Variants in SV2C observed in about 807,000 individuals in gnomAD.
SV2C encodes the protein synaptic vesicle glycoprotein 2C, also known as solute carrier family 22 member B3.
Under a neutral mutation model 79.7 loss-of-function variants are expected in SV2C, and 49 were observed. That is an observed-to-expected ratio of 0.61 (90% CI 0.49 to 0.78). The LOEUF (loss-of-function observed/expected upper bound fraction) is 0.78, where lower values mean the gene tolerates loss of function less well. SV2C is among the 30% of genes least tolerant of loss of function. SV2C has a pLI of 0.00. For missense variants in SV2C, 833 were observed against 912.9 expected (o/e 0.91, Z 1.13); for synonymous variants, 334 against 333.2 (o/e 1.00, Z -0.03).
chr5:76,339,330 A>G (rs1169619742), intron 12 of SV2C, among the ~76,000 whole-genome samples: 1 of 152,196 alleles, frequency 6.6e-6, no homozygotes, highest in Non-Finnish European at 1.5e-5. Context: ...TCATTTTCAT[A>G]TGGCAACAGT....
At chr5:76,271,145 A>G (rs1327082845) in intron 4 of SV2C, among the ~76,000 whole-genome samples, 2 of 152,224 alleles carry the variant, frequency 1.3e-5, no homozygotes, top group Non-Finnish European at 2.9e-5. Flanking sequence ...AATAAAAATT[A>G]AACGATTCCA....
chr5:76,239,405 C>T (rs1038586549), intron 4 of SV2C, among the ~76,000 whole-genome samples: 1 of 152,122 alleles, frequency 6.6e-6, no homozygotes, highest in Non-Finnish European at 1.5e-5. Flanking sequence ...TCCAAAACTC[C>T]GTGGCTTAAA....
At chr5:76,194,843 T>A (rs1407126067) in intron 2 of SV2C, 76 bp from the exon 3 acceptor site, 1 of 1,533,420 alleles carries the variant, frequency 6.5e-7, no homozygotes, top group African/African-American at 1.4e-5. Flanking sequence ...TGTATTTTGT[T>A]CCTTGTTCAC....
chr5:76,336,150 T>A (rs1749320411), downstream of SV2C, among the ~76,000 whole-genome samples: 1 of 145,660 alleles, frequency 6.9e-6, no homozygotes, highest in Non-Finnish European at 1.5e-5. Flanking sequence ...TGGCGGGGGC[T>A]GACCCCCACC....
chr5:76,250,476 C>T (rs1746080265), intron 4 of SV2C, among the ~76,000 whole-genome samples: 1 of 152,160 alleles, frequency 6.6e-6, no homozygotes, highest in South Asian at 2.1e-4. Context: ...TCTGTGGAAA[C>T]AGCATCTGAG....
At chr5:75,942,432 A>G in the SV2C span, among the ~76,000 whole-genome samples, 6 of 152,176 alleles carry the variant, frequency 3.9e-5, no homozygotes, top group African/African-American at 1.2e-4. Context: ...AGCTGGAGCC[A>G]TGTTAGACCA....
At chr5:76,020,656 C>T in the SV2C span, among the ~76,000 whole-genome samples, 1 of 152,266 alleles carries the variant, frequency 6.6e-6, no homozygotes, top group East Asian at 1.9e-4. Flanking sequence ...GACTACGAAA[C>T]AAGCCCATTC....
the SV2C span, among the ~76,000 whole-genome samples, chr5:75,955,041 CTACTT>C: frequency 2.8e-5 from 4 of 145,020 alleles, no homozygotes; most frequent in African/African-American, 1.1e-4. Context: ...TTGGAAAAAA[CTACTT>C]TAAAGTTCAT....
intron 8 of SV2C, among the ~76,000 whole-genome samples, chr5:76,294,124 C>T (rs1191934440): frequency 2.0e-5 from 3 of 152,140 alleles, no homozygotes; most frequent in Non-Finnish European, 2.9e-5. Context: ...TCCTGCTGGT[C>T]CGGGGACCTT....
chr5:76,194,793 A>G (rs1744219508), intron 2 of SV2C, 126 bp from the exon 3 acceptor site: 3 of 1,154,958 alleles, frequency 2.6e-6, no homozygotes, highest in Admixed American at 4.6e-5. Flanking sequence ...CCTGAAGGTT[A>G]TATTTTTAAA....
the SV2C span, among the ~76,000 whole-genome samples, chr5:75,979,012 G>A: frequency 0.015 from 2,340 of 152,074 alleles, 52 homozygotes; most frequent in African/African-American, 0.053. Flanking sequence ...AATGACACAC[G>A]TAGCCTCTAA....
chr5:76,258,438 G>A (rs1746362428), intron 4 of SV2C, among the ~76,000 whole-genome samples: 1 of 152,142 alleles, frequency 6.6e-6, no homozygotes, highest in African/African-American at 2.4e-5. Context: ...AGAGCTTGAT[G>A]ATGGCCAGAG....
chr5:76,139,497 G>A (rs1749181145), intron 2 of SV2C, among the ~76,000 whole-genome samples: 1 of 152,120 alleles, frequency 6.6e-6, no homozygotes, highest in Non-Finnish European at 1.5e-5. Context: ...TGGCCAACTG[G>A]CATTCTGTTT....
chr5:76,069,859 A>AC, the SV2C span, among the ~76,000 whole-genome samples: 1 of 55,134 alleles, frequency 1.8e-5, no homozygotes, highest in African/African-American at 4.7e-5. Context: ...CACACACACA[A>AC]ACACACACAC....
rs1376199957 is a variant in SV2C, at chr5:76,300,852, T to C, written c.1760T>C (p.Phe587Ser). Residue 587 changes from phenylalanine (F) to serine (S), a missense_variant, in exon 11 of 13, where the codon TTT (phenylalanine) becomes TCT (serine). Coordinates refer to ENST00000502798, the MANE Select transcript of SV2C (RefSeq NM_014979.4). ...YSAYWIYFVNFLGTLAVLPGN... is the reference protein window; with the variant it reads ...YSAYWIYFVNSLGTLAVLPGN... ...GCCTACTGGATTTATTTTGTCAACTTTCTGGGGACATTGGCAGTATTGCCA... is the reference window on the plus strand; with the variant it reads ...GCCTACTGGATTTATTTTGTCAACTCTCTGGGGACATTGGCAGTATTGCCA... 6 of 1,614,086 alleles carry C rather than the reference T, an allele frequency of 3.7e-6. No homozygotes were observed. In the African/African-American group the frequency reaches 8.0e-5, roughly 22 times the overall value.
At chr5:75,916,255 CTTT>C in the SV2C span, among the ~76,000 whole-genome samples, 1 of 148,734 alleles carries the variant, frequency 6.7e-6, no homozygotes, top group Non-Finnish European at 1.5e-5. Flanking sequence ...TCCTTGTCCT[CTTT>C]CTCCTCTTCT....
rs187188112 is a variant in SV2C at position 76,302,207 on chromosome 5, G to A, written c.2000+662G>A. ...GTGGCTAACCAGTCCTTAGAGGGTC[G>A]TTTCCTTAGGTTTGCAGATGTGTCT... On this transcript the variant is annotated intron_variant, in intron 12 of 12. Coordinates refer to ENST00000502798, the MANE Select transcript of SV2C (RefSeq NM_014979.4). Among the ~76,000 whole-genome samples, 118 of 152,232 alleles carry A rather than the reference G, an allele frequency of 7.8e-4. 1 individual carries two copies. Among genetic ancestry groups the A allele is most frequent in the African/African-American group, 2.0e-3 (85 of 41,540 alleles).
At chr5:76,146,650 CCTT>C (rs1241721181) in intron 2 of SV2C, among the ~76,000 whole-genome samples, 1 of 152,204 alleles carries the variant, frequency 6.6e-6, no homozygotes, top group Non-Finnish European at 1.5e-5. Flanking sequence ...AATGCCTTAA[CCTT>C]CTGGGAATGC....
chr5:76,209,900 C>T lies in SV2C; in HGVS notation c.913+13C>T. On this transcript the variant is annotated intron_variant, in intron 4 of 12. Transcript: ENST00000502798. ...ATCCCGCACTACGGTAAGAGGCTGG[C>T]CTTGCCCCAGCTGGGCAGTCACTTC... The T allele has an allele frequency of 6.2e-7, 1 of 1,605,602 alleles. No homozygotes were observed. The highest frequency in any genetic ancestry group is 8.5e-7 in the Non-Finnish European group (1 of 1,175,432).
Sources: gnomAD v4.1 joint callset for allele counts (sites outside exome capture counted in the v4.1 genomes callset) on GRCh38, gnomAD v4.1.1 for gene constraint, MANE v1.5 for transcripts, NCBI Gene and HGNC (gene_info 2026-07-23, HGNC 2026-07-21) for gene names.